Variants in ZEB1 observed in about 807,000 individuals in gnomAD.
ZEB1 encodes the protein zinc finger E-box binding homeobox 1, also known as zinc finger E-box-binding homeobox 1.
ZEB1 carries 21 observed loss-of-function variants against 84.9 expected under a neutral mutation model. That is an observed-to-expected ratio of 0.25 (90% CI 0.18 to 0.36). The LOEUF is 0.36. Ranked by LOEUF, ZEB1 falls within the 10% of genes least tolerant of loss-of-function variation. The pLI, the probability that ZEB1 is intolerant of heterozygous loss-of-function variation, is 1.00. For synonymous variants in ZEB1, 420 were observed against 471.1 expected, an observed-to-expected ratio of 0.89 and a Z score of 1.41; for missense variants, 1,104 against 1,330.2, an observed-to-expected ratio of 0.83 and a Z score of 2.65.
At chr10:31,407,117 T>C (rs1412077885) in intron 1 of ZEB1, among the ~76,000 whole-genome samples, 1 of 151,946 alleles carries the variant, frequency 6.6e-6, no homozygotes, top group Non-Finnish European at 1.5e-5. Context: ...TATTATACCT[T>C]AAGTTTTAGG....
intron 1 of ZEB1, among the ~76,000 whole-genome samples, chr10:31,334,370 T>G (rs1477044198): frequency 6.6e-6 from 1 of 152,098 alleles, no homozygotes; most frequent in African/African-American, 2.4e-5. Flanking sequence ...TTTTGGAAAT[T>G]AACATGTTTA....
At chr10:31,444,278 A>T in intron 1 of ZEB1, among the ~76,000 whole-genome samples, 1 of 117,016 alleles carries the variant, frequency 8.5e-6, no homozygotes, top group African/African-American at 3.4e-5. Context: ...TTTTCTTGTA[A>T]ATTTGTTTGA....
At chr10:31,511,005 T>A in intron 5 of ZEB1, 130 bp downstream of exon 5, 1 of 875,902 alleles carries the variant, frequency 1.1e-6, no homozygotes, top group South Asian at 1.5e-5. Context: ...TGCAGCCTTA[T>A]AAAAGTGAAA....
chr10:31,523,807 C>A lies in ZEB1; in HGVS notation c.2605-126C>A, dbSNP rs1009810677. 7 of 1,119,340 alleles carry A rather than the reference C, an allele frequency of 6.3e-6. No homozygotes were observed. In the Admixed American group the frequency reaches 8.4e-5, roughly 13 times the overall value. The allele number at this position is 1,119,340 out of a possible 1,614,324, so 69.3% of individuals were successfully genotyped here. ...TGTGCAGTGAAGATCAGTGTGCTTG[C>A]TTTGGTCAAGTCCTTGAAAGTATAA... On this transcript the variant is annotated intron_variant, in intron 7 of 8. Transcript: ENST00000424869.
chr10:31,423,071 T>A (rs1257597744), intron 1 of ZEB1, among the ~76,000 whole-genome samples: 1 of 152,028 alleles, frequency 6.6e-6, no homozygotes, highest in African/African-American at 2.4e-5. Flanking sequence ...TATATATAAA[T>A]GTATATATAA....
chr10:31,439,941 G>C (rs932598459), intron 1 of ZEB1, among the ~76,000 whole-genome samples: 3 of 152,272 alleles, frequency 2.0e-5, no homozygotes, highest in African/African-American at 7.2e-5. Flanking sequence ...AGAAGGTTTT[G>C]TCTGCTGTGT....
intron 1 of ZEB1, among the ~76,000 whole-genome samples, chr10:31,414,060 T>C (rs2135872500): frequency 6.6e-6 from 1 of 152,330 alleles, no homozygotes; most frequent in East Asian, 1.9e-4. Flanking sequence ...TGACTTATCG[T>C]TTCCTTTTAC....
intron 2 of ZEB1, among the ~76,000 whole-genome samples, chr10:31,474,015 A>T (rs1376648110): frequency 6.6e-6 from 1 of 152,246 alleles, no homozygotes; most frequent in Non-Finnish European, 1.5e-5. Context: ...ATATGTACAA[A>T]GCTGAAACTG....
chr10:31,349,181 T>C (rs2040863292), intron 1 of ZEB1, among the ~76,000 whole-genome samples: 1 of 152,244 alleles, frequency 6.6e-6, no homozygotes, highest in Non-Finnish European at 1.5e-5. Flanking sequence ...TTTCTCTTTC[T>C]GTGCCTTAGC....
At chr10:31,394,741 T>C (rs956062554) in intron 1 of ZEB1, among the ~76,000 whole-genome samples, 8 of 152,246 alleles carry the variant, frequency 5.3e-5, no homozygotes, top group African/African-American at 1.9e-4. Context: ...TTCCGTCATA[T>C]GCATGTACTA....
At chr10:31,382,018 A>AC (rs1157893776) in intron 1 of ZEB1, among the ~76,000 whole-genome samples, 141 of 131,030 alleles carry the variant, frequency 1.1e-3, no homozygotes, top group African/African-American at 5.5e-3. Flanking sequence ...AAAAAAAAAA[A>AC]AAAAAAAAAA....
intron 1 of ZEB1, among the ~76,000 whole-genome samples, chr10:31,390,587 A>G (rs2049452467): frequency 6.6e-6 from 1 of 152,188 alleles, no homozygotes; most frequent in South Asian, 2.1e-4. Flanking sequence ...CTTGAAAACT[A>G]ATTCTCCTTT....
rs35403055 is a variant in ZEB1 at position 31,452,742 on chromosome 10, T to TGAGA, written c.59-8264_59-8261dup. 2.0e-3 allele frequency among the ~76,000 whole-genome samples: 184 copies of TGAGA among 90,790 alleles called. 4 individuals are homozygous for TGAGA. Among genetic ancestry groups the TGAGA allele is most frequent in the East Asian group, 0.01 (30 of 2,918 alleles). The allele number at this position is 90,790 out of a possible 152,430, so 59.6% of individuals were successfully genotyped here. On this transcript the variant is annotated intron_variant, in intron 1 of 8. Transcript: ENST00000424869. ...GTGTGTGTGTGTGTGTGTGTGTGTGTGAGAGAGAGAGAGAGAGAGAGAGAG... is the reference window on the plus strand; with the variant it reads ...GTGTGTGTGTGTGTGTGTGTGTGTGTGAGAGAGAGAGAGAGAGAGAGAGAGAGAG...
chr10:31,468,299 A>T (rs1171446650), intron 2 of ZEB1, among the ~76,000 whole-genome samples: 1 of 151,984 alleles, frequency 6.6e-6, no homozygotes, highest in Non-Finnish European at 1.5e-5. Context: ...TGTATTCCTT[A>T]TCAACAAAGG....
At chr10:31,505,876 G>A (rs368726251) in intron 4 of ZEB1, among the ~76,000 whole-genome samples, 5 of 151,298 alleles carry the variant, frequency 3.3e-5, no homozygotes, top group Non-Finnish European at 7.4e-5. Flanking sequence ...TTTGTTTTAG[G>A]TATTTATTGC....
At chr10:31,499,894 A>C (rs1289166207) in intron 3 of ZEB1, among the ~76,000 whole-genome samples, 1 of 152,186 alleles carries the variant, frequency 6.6e-6, no homozygotes, top group Non-Finnish European at 1.5e-5. Context: ...ATGTTAAAAA[A>C]ATCTTTATCT....
intron 1 of ZEB1, among the ~76,000 whole-genome samples, chr10:31,373,359 G>T (rs1416338635): frequency 1.3e-5 from 2 of 151,830 alleles, no homozygotes; most frequent in Admixed American, 6.6e-5. Context: ...ATAGATAAGA[G>T]ATTTTACATA....
chr10:31,340,387 C>T (rs2039125376), intron 1 of ZEB1, among the ~76,000 whole-genome samples: 1 of 152,148 alleles, frequency 6.6e-6, no homozygotes, highest in African/African-American at 2.4e-5. Flanking sequence ...ATATAGAAAT[C>T]TGTTTTTTGT....
intron 1 of ZEB1, among the ~76,000 whole-genome samples, chr10:31,352,674 C>T (rs1381527505): frequency 6.6e-6 from 1 of 152,118 alleles, no homozygotes; most frequent in Non-Finnish European, 1.5e-5. Flanking sequence ...CCTCAGCTCT[C>T]CTTAAGTGTG....
Sources: gnomAD v4.1 joint callset for allele counts (sites outside exome capture counted in the v4.1 genomes callset) on GRCh38, gnomAD v4.1.1 for gene constraint, MANE v1.5 for transcripts, NCBI Gene and HGNC (gene_info 2026-07-23, HGNC 2026-07-21) for gene names.